The following GSAP variants were observed in gnomAD, a reference collection of about 807,000 sequenced individuals.
The protein encoded by GSAP is gamma-secretase activating protein.
Under a neutral mutation model 131.7 loss-of-function variants are expected in GSAP, and 118 were observed. The observed-to-expected ratio is 0.90, with a 90% CI of 0.77 to 1.04. The LOEUF is 1.04. Ranked by LOEUF, GSAP falls within the 50% of genes least tolerant of loss-of-function variation. The probability of loss-of-function intolerance (pLI) is 0.00; values close to 1 mark genes in which losing one functional copy is unlikely to be tolerated. For synonymous variants in GSAP, 381 were observed against 363.4 expected, an observed-to-expected ratio of 1.05 and a Z score of -0.55; for missense variants, 1,019 against 1,013.2, an observed-to-expected ratio of 1.01 and a Z score of -0.08.
chr7:77,314,330 A>G, intron 27 of GSAP, 40 bp downstream of exon 27: 1 of 1,610,284 alleles, frequency 6.2e-7, no homozygotes, highest in Non-Finnish European at 8.5e-7. Context: ...GGTGGTGCTC[A>G]GGCTGGAACT....
chr7:77,392,090 T>G (rs1261477129), intron 5 of GSAP, among the ~76,000 whole-genome samples: 1 of 151,542 alleles, frequency 6.6e-6, no homozygotes, highest in Non-Finnish European at 1.5e-5. Flanking sequence ...CCGGAAGTGG[T>G]GGTGGATGCC....
chr7:77,380,089 C>T (rs999382902), intron 8 of GSAP: 3 of 237,266 alleles, frequency 1.3e-5, no homozygotes, highest in Non-Finnish European at 2.1e-5. Flanking sequence ...AGTAGAAAAA[C>T]AGATAAGGAT....
At chr7:77,311,982 A>C in intron 29 of GSAP, 42 bp from the exon 30 acceptor site, 4 of 1,270,776 alleles carry the variant, frequency 3.1e-6, no homozygotes, top group Non-Finnish European at 4.6e-6. Context: ...ATTCTCCACA[A>C]TAAGCACAAT....
intron 14 of GSAP, 76 bp downstream of exon 14, chr7:77,360,748 T>C (rs182693642): frequency 2.0e-5 from 15 of 766,932 alleles, no homozygotes; most frequent in African/African-American, 1.6e-4. Context: ...AGAAATGGGA[T>C]AGTATAGAAG....
chr7:77,343,631 A>G (rs1791346109), intron 19 of GSAP, among the ~76,000 whole-genome samples: 1 of 152,178 alleles, frequency 6.6e-6, no homozygotes, highest in Non-Finnish European at 1.5e-5. Context: ...AGCAGCTAGC[A>G]TTCCAATTTC....
intron 12 of GSAP, among the ~76,000 whole-genome samples, chr7:77,369,329 A>G (rs1240674370): frequency 6.6e-6 from 1 of 152,152 alleles, no homozygotes; most frequent in African/African-American, 2.4e-5. Context: ...AATATATATA[A>G]ACTCATGTTA....
intron 3 of GSAP, among the ~76,000 whole-genome samples, chr7:77,402,593 C>CA (rs56739649): frequency 0.013 from 320 of 24,710 alleles, 17 homozygotes; most frequent in Admixed American, 0.028. Flanking sequence ...GACTCTGTCT[C>CA]AAAAAAAAAA....
At position 77,376,263 on chromosome 7, in the gene GSAP, C is replaced by T. The variant is rs377116491; in HGVS notation, c.741+585G>A. Among the ~76,000 whole-genome samples, 14 of 152,320 alleles carry T rather than the reference C, an allele frequency of 9.2e-5. No homozygotes were observed. The East Asian group carries it at 1.5e-3, about 17-fold the overall frequency. On this transcript the variant is annotated intron_variant, in intron 10 of 30. Coordinates refer to ENST00000257626, the MANE Select transcript of GSAP (RefSeq NM_017439.4). ...CAATTACTTTTGCACCAACCTGACA[C>T]CTTCTACTAATCCCCACTTACACAT...
intron 5 of GSAP, among the ~76,000 whole-genome samples, chr7:77,393,358 A>G: frequency 6.6e-6 from 1 of 152,190 alleles, no homozygotes; most frequent in East Asian, 1.9e-4. Flanking sequence ...AAACCTTCCC[A>G]TGATGAGCAA....
At chr7:77,330,175 G>T in intron 20 of GSAP, 64 bp downstream of exon 20, 1 of 1,517,008 alleles carries the variant, frequency 6.6e-7, no homozygotes. Flanking sequence ...TGATTTAAAG[G>T]CATCACCTGG....
intron 8 of GSAP, among the ~76,000 whole-genome samples, chr7:77,379,230 G>C (rs1327717503): frequency 6.6e-6 from 1 of 152,046 alleles, no homozygotes; most frequent in Non-Finnish European, 1.5e-5. Context: ...TCAAATCTCA[G>C]TTTTGTTCCT....
chr7:77,340,503 T>C (rs866970412), intron 19 of GSAP, among the ~76,000 whole-genome samples: 25 of 152,316 alleles, frequency 1.6e-4, no homozygotes, highest in African/African-American at 5.5e-4. Context: ...ATCTCACCAA[T>C]TTCAAATCGG....
At chr7:77,356,766 T>C (rs1375184900) in intron 14 of GSAP, among the ~76,000 whole-genome samples, 1 of 152,192 alleles carries the variant, frequency 6.6e-6, no homozygotes, top group East Asian at 1.9e-4. Context: ...TAATTTTATA[T>C]AGATGAAACA....
rs879068255 is a variant in GSAP, at chr7:77,396,809, GA to G, written c.367+172del. Among the ~76,000 whole-genome samples, 623 of 150,368 alleles carry G rather than the reference GA, an allele frequency of 4.1e-3. 6 individuals are homozygous for G. Among genetic ancestry groups the G allele is most frequent in the African/African-American group, 0.015 (595 of 40,198 alleles). ...ATTGTCTGTCCTTTTCTGTTTGCTT[GA>G]AAAAAAAATTTTTTTTAAGTCTTTT... On this transcript the variant is annotated intron_variant, in intron 5 of 30. Coordinates refer to ENST00000257626, the MANE Select transcript of GSAP (RefSeq NM_017439.4).
chr7:77,401,316 T>G (rs150834344), intron 3 of GSAP, among the ~76,000 whole-genome samples: 19 of 148,712 alleles, frequency 1.3e-4, no homozygotes, highest in African/African-American at 4.5e-4. Context: ...TTCAGAAAAC[T>G]AAGGAGAAAG....
At chr7:77,381,629 T>C (rs1464157393) in intron 7 of GSAP, among the ~76,000 whole-genome samples, 1 of 152,148 alleles carries the variant, frequency 6.6e-6, no homozygotes, top group Non-Finnish European at 1.5e-5. Context: ...CCCTCCTGCT[T>C]CCCTGGGTTC....
At chr7:77,403,875 G>A (rs979829857) in intron 3 of GSAP, among the ~76,000 whole-genome samples, 1 of 152,172 alleles carries the variant, frequency 6.6e-6, no homozygotes, top group Admixed American at 6.5e-5. Flanking sequence ...GAGAAGGAAA[G>A]CAAAGAAATA....
intron 12 of GSAP, 90 bp from the exon 13 acceptor site, chr7:77,362,750 T>G (rs1211471087): frequency 1.4e-6 from 1 of 733,144 alleles, no homozygotes; most frequent in Non-Finnish European, 2.4e-6. Flanking sequence ...TCTATTCCTT[T>G]AGATGTCCTG....
chr7:77,353,546 T>C, intron 17 of GSAP, 26 bp downstream of exon 17: 1 of 1,534,174 alleles, frequency 6.5e-7, no homozygotes, highest in African/African-American at 1.4e-5. Context: ...GTATTCAACT[T>C]AAGCTGCAAC....
Sources: gnomAD v4.1 joint callset for allele counts (sites outside exome capture counted in the v4.1 genomes callset) on GRCh38, gnomAD v4.1.1 for gene constraint, MANE v1.5 for transcripts, NCBI Gene and HGNC (gene_info 2026-07-23, HGNC 2026-07-21) for gene names.